OSBPL11: variants seen among roughly 807,000 people sequenced by gnomAD.
OSBPL11 encodes oxysterol binding protein like 11, also known as oxysterol-binding protein-related protein 11.
A neutral mutation model predicts 84.4 loss-of-function variants in OSBPL11; 33 were observed. The observed-to-expected ratio is 0.39, with a 90% CI of 0.30 to 0.52. OSBPL11 has a LOEUF of 0.52. Ranked by LOEUF, OSBPL11 falls within the 20% of genes least tolerant of loss-of-function variation. The pLI is 0.72. For missense variants in OSBPL11, 736 were observed against 901.1 expected (o/e 0.82, Z 2.35); for synonymous variants, 276 against 310.2 (o/e 0.89, Z 1.16).
intron 11 of OSBPL11, among the ~76,000 whole-genome samples, chr3:125,534,639 T>C (rs1391755562): frequency 1.4e-5 from 2 of 144,860 alleles, no homozygotes; most frequent in East Asian, 4.1e-4. Context: ...TGAAAACACA[T>C]AAAAAGTCAT....
intron 2 of OSBPL11, among the ~76,000 whole-genome samples, chr3:125,582,127 G>A (rs1250287976): frequency 6.6e-6 from 1 of 152,038 alleles, no homozygotes; most frequent in Non-Finnish European, 1.5e-5. Flanking sequence ...CTGAAGTCAG[G>A]AATTCGAGAC....
chr3:125,587,492 C>T (rs1019526578), intron 1 of OSBPL11, among the ~76,000 whole-genome samples: 5 of 152,114 alleles, frequency 3.3e-5, no homozygotes, highest in African/African-American at 9.6e-5. Flanking sequence ...GGAAGTATTA[C>T]GAAATGGCAA....
At chr3:125,588,221 C>CA (rs35794012) in intron 1 of OSBPL11, among the ~76,000 whole-genome samples, 4,279 of 51,170 alleles carry the variant, frequency 0.084, 130 homozygotes, top group African/African-American at 0.16. Flanking sequence ...GACCCTGTCT[C>CA]AAAAAAAAAA....
At chr3:125,543,124 A>ATTTTT (rs60571172) in intron 10 of OSBPL11, among the ~76,000 whole-genome samples, 6 of 99,278 alleles carry the variant, frequency 6.0e-5, no homozygotes, top group East Asian at 3.0e-4. Context: ...GGCTAGTAAG[A>ATTTTT]TTTTTTTTTT....
intron 9 of OSBPL11, among the ~76,000 whole-genome samples, chr3:125,547,884 A>AT (rs891694969): frequency 3.4e-4 from 51 of 150,430 alleles, no homozygotes; most frequent in South Asian, 1.1e-3. Flanking sequence ...CCTAAAAATA[A>AT]TTTTTTTTTT....
chr3:125,579,787 C>A, intron 3 of OSBPL11, 78 bp downstream of exon 3: 1 of 1,285,792 alleles, frequency 7.8e-7, no homozygotes, highest in Non-Finnish European at 1.1e-6. Context: ...TTCCAAAGCC[C>A]ATATGAAAGC....
At chr3:125,539,623 T>A (rs755551771) in intron 10 of OSBPL11, among the ~76,000 whole-genome samples, 8 of 151,980 alleles carry the variant, frequency 5.3e-5, no homozygotes, top group African/African-American at 1.2e-4. Flanking sequence ...CTAATTTTTT[T>A]ATTTTTAGTA....
At chr3:125,530,730 C>A in intron 12 of OSBPL11, 150 bp from the exon 13 acceptor site, 1 of 672,412 alleles carries the variant, frequency 1.5e-6, no homozygotes, top group South Asian at 1.8e-5. Flanking sequence ...GTGATTAAGA[C>A]ATCAAACGAT....
chr3:125,549,472 C>T (rs1935868984), intron 9 of OSBPL11, among the ~76,000 whole-genome samples: 1 of 152,102 alleles, frequency 6.6e-6, no homozygotes, highest in Non-Finnish European at 1.5e-5. Flanking sequence ...ATGCTTTTCT[C>T]CATTTCTTTT....
intron 11 of OSBPL11, among the ~76,000 whole-genome samples, chr3:125,537,683 C>A (rs1033082610): frequency 2.0e-5 from 3 of 151,646 alleles, no homozygotes; most frequent in Non-Finnish European, 4.4e-5. Context: ...TATTTTTTTT[C>A]TATTTTTAAT....
At chr3:125,542,350 A>G (rs1935742011) in intron 10 of OSBPL11, among the ~76,000 whole-genome samples, 1 of 149,910 alleles carries the variant, frequency 6.7e-6, no homozygotes, top group African/African-American at 2.5e-5. Context: ...TTTTTTTGAG[A>G]TGCAGTTCCG....
chr3:125,555,398 C>T (rs1410152347), intron 8 of OSBPL11, among the ~76,000 whole-genome samples: 1 of 152,130 alleles, frequency 6.6e-6, no homozygotes, highest in African/African-American at 2.4e-5. Context: ...ATATATACAT[C>T]TATCCTCTTA....
chr3:125,576,265 T>C lies in OSBPL11; in HGVS notation c.590A>G (p.Asn197Ser). The C allele has an allele frequency of 6.2e-7, 1 of 1,611,262 alleles. No individual in the cohort carries two copies. Residue 197 changes from asparagine (N) to serine (S), a missense_variant, in exon 5 of 13, where the codon AAT (asparagine) becomes AGT (serine). Coordinates refer to ENST00000296220, the MANE Select transcript of OSBPL11 (RefSeq NM_022776.5). ...TGATTGCAGTTTGGAATGTCCAACA[T>C]TAAAAAAAGAAATGGCATTTTGACT... ...RPSQNAISFF[N>S]VGHSKLQSLS...
At chr3:125,557,913 C>T (rs1165132604) in intron 8 of OSBPL11, among the ~76,000 whole-genome samples, 1 of 150,602 alleles carries the variant, frequency 6.6e-6, no homozygotes, top group Non-Finnish European at 1.5e-5. Context: ...TGTATCTCAG[C>T]CACATGGTAG....
At chr3:125,560,223 T>C (rs1936054797) in intron 8 of OSBPL11, among the ~76,000 whole-genome samples, 156 bp downstream of exon 8, 1 of 152,056 alleles carries the variant, frequency 6.6e-6, no homozygotes, top group African/African-American at 2.4e-5. Context: ...ATCGCACCAT[T>C]GCACTCCAGC....
In OSBPL11 at chr3:125,552,504, A is replaced by G; in HGVS notation, c.1331T>C (p.Ile444Thr). 2.5e-6 allele frequency: 4 copies of G among 1,614,208 alleles called. No homozygotes were observed. Among genetic ancestry groups the G allele is most frequent in the Non-Finnish European group, 3.4e-6 (4 of 1,180,034 alleles). The part of the protein sequence containing the change: ...TSFHEGRKGA[I>T]AKKPYNPIIG... ...GATAGGATTGTATGGTTTTTTAGCA[A>G]TGGCTCCCTTACGGCCTTCATGAAA... Residue 444 changes from isoleucine (I) to threonine (T), a missense_variant, in exon 9 of 13, where the codon ATT (isoleucine) becomes ACT (threonine). Physicochemically the swap from Ile to Thr is moderately conservative, Grantham distance 89. This residue lies in a region of OSBPL11 where 579 missense variants were observed against 717.6 expected (regional missense o/e 0.81). Transcript: ENST00000296220.
At chr3:125,590,991 C>T (rs888520688) in intron 1 of OSBPL11, among the ~76,000 whole-genome samples, 1 of 152,144 alleles carries the variant, frequency 6.6e-6, no homozygotes, top group African/African-American at 2.4e-5. Context: ...AGGTTTTCTT[C>T]AACTGCAAAA....
chr3:125,573,872 CA>C (rs35902125), intron 5 of OSBPL11, among the ~76,000 whole-genome samples: 696 of 43,512 alleles, frequency 0.016, 1 homozygote, highest in Non-Finnish European at 0.018. Context: ...AACTCCGTCT[CA>C]AAAAAAAAAA....
At chr3:125,579,149 A>C in intron 3 of OSBPL11, 110 bp from the exon 4 acceptor site, 5 of 651,806 alleles carry the variant, frequency 7.7e-6, no homozygotes, top group Non-Finnish European at 1.2e-5. Flanking sequence ...TCTTACTCTC[A>C]CTAGAGCAAA....
Sources: gnomAD v4.1 joint callset for allele counts (sites outside exome capture counted in the v4.1 genomes callset) on GRCh38, gnomAD v4.1.1 for gene constraint, gnomAD v4.1.1 regional missense constraint, MANE v1.5 for transcripts, NCBI Gene and HGNC (gene_info 2026-07-23, HGNC 2026-07-21) for gene names.